Variants in ZNF534 observed in about 807,000 individuals in gnomAD.
ZNF534 encodes the protein KRAB domain only 3.
Under a neutral mutation model 13.6 loss-of-function variants are expected in ZNF534, and 19 were observed. The ratio of observed to expected loss-of-function variants is 1.40; its 90% CI spans 0.97 to 2.05. ZNF534 has a LOEUF of 2.05. ZNF534 is among the 30% of genes most tolerant of loss of function. The pLI is 0.00. For missense variants in ZNF534, 782 were observed against 796.3 expected (o/e 0.98, Z 0.22); for synonymous variants, 244 against 273.8 (o/e 0.89, Z 1.07).
exon 5 of ZNF534, chr19:52,451,733 T>C: frequency 1.5e-6 from 1 of 686,630 alleles, no homozygotes; most frequent in South Asian, 1.7e-5. Flanking sequence ...TTTGTTGATG[T>C]AGGAGCTGGT....
chr19:52,448,506 G>A (rs2059201914), intron 4 of ZNF534, among the ~76,000 whole-genome samples: 1 of 152,178 alleles, frequency 6.6e-6, no homozygotes, highest in Admixed American at 6.5e-5. Flanking sequence ...TGAGGATACA[G>A]TGAGCTATGA....
At position 52,441,250 on chromosome 19, in the gene ZNF534, C is replaced by T. The variant is rs2059171101; in HGVS notation, c.*1804C>T. On this transcript the variant is annotated 3_prime_UTR_variant, in exon 5 of 5. Transcript: ENST00000433050. The stretch of plus-strand genomic sequence containing the variant: ...GGAATGTACTCCAGGCATGGTGGCT[C>T]ACACCTATAATCCCAGCCCTTTGGG... Among the ~76,000 whole-genome samples the T allele has an allele frequency of 6.6e-6, 1 of 152,140 alleles. No individual in the cohort carries two copies. The highest frequency in any genetic ancestry group is 1.5e-5 in the Non-Finnish European group (1 of 68,032).
At position 52,438,147 on chromosome 19, in the gene ZNF534, T is replaced by G. The variant is rs762494061; in HGVS notation, c.687T>G (p.Phe229Leu). 51 of 1,613,962 alleles carry G rather than the reference T, an allele frequency of 3.2e-5. No homozygotes were observed. Among genetic ancestry groups the G allele is most frequent in the Non-Finnish European group, 4.3e-5 (51 of 1,179,978 alleles). ...CGEIFSSNSN[F>L]AQHQRIHTGE... ...AGATCTTTAGTAGCAATTCAAACTT[T>G]GCACAACATCAACGAATCCATACTG... The change falls in exon 5 of 5, where the codon TTT becomes TTG. Residue 229 changes from phenylalanine (F) to leucine (L), a missense_variant. By Grantham distance (22) the Phe-to-Leu change is conservative. Transcript: ENST00000433050.
chr19:52,444,523 G>C (rs934726401), downstream of ZNF534, among the ~76,000 whole-genome samples: 2 of 152,136 alleles, frequency 1.3e-5, no homozygotes, highest in African/African-American at 4.8e-5. Flanking sequence ...AGCTGTGGTA[G>C]TATGGGGAGG....
rs973810644 is a variant in ZNF534 at position 52,429,218 on chromosome 19, G to T, written c.-94G>T. ...TCCTGTAGACCCGGCACCCGACTGC[G>T]CGGAAAGACTGTCTAAGCCGCCACT... On this transcript the variant is annotated 5_prime_UTR_variant, in exon 1 of 5. Coordinates refer to ENST00000433050, the MANE Select transcript of ZNF534 (RefSeq NM_001143938.3). 2.0e-5 allele frequency: 3 copies of T among 147,666 alleles called. No individual in the cohort carries two copies. Among genetic ancestry groups the T allele is most frequent in the African/African-American group, 7.9e-5 (3 of 37,918 alleles). 9.1% of individuals were successfully genotyped at this position (147,666 alleles called of 1,614,324 possible). A position where few individuals can be genotyped will look rare whatever the true frequency, so the allele number is the denominator to read the frequency against.
chr19:52,443,083 T>A (rs1332751110), downstream of ZNF534, among the ~76,000 whole-genome samples: 1 of 152,190 alleles, frequency 6.6e-6, no homozygotes, highest in Non-Finnish European at 1.5e-5. Context: ...GGTCACCTCC[T>A]CAATTGAATA....
At chr19:52,431,624 C>A (rs977010148) in intron 2 of ZNF534, 135 bp downstream of exon 2, 1 of 1,156,972 alleles carries the variant, frequency 8.6e-7, no homozygotes, top group South Asian at 1.4e-5. Flanking sequence ...TTCTTCCAGT[C>A]CCTTTCACTT....
intron 4 of ZNF534, among the ~76,000 whole-genome samples, chr19:52,448,327 G>A (rs980342670): frequency 2.0e-5 from 3 of 152,062 alleles, no homozygotes; most frequent in African/African-American, 7.2e-5. Context: ...GAACCTAGGA[G>A]TTGGAGGTTG....
intron 4 of ZNF534, among the ~76,000 whole-genome samples, chr19:52,450,349 G>C (rs569548356): frequency 5.7e-4 from 87 of 152,202 alleles, no homozygotes; most frequent in African/African-American, 1.9e-3. Context: ...TTTTGTGTAT[G>C]GTGAGAAATA....
rs1280147240 is a variant in ZNF534 at position 52,439,341 on chromosome 19, T to C, written c.1881T>C (p.Ile627=). ...CACGCCTTGCACAACATAGGAATAT[T>C]CATACTGGAGTGAAGCCTTACAGTT... ...RNSRLAQHRN[I]HTGVKPYSCN... The change falls in exon 5 of 5, where the codon ATT becomes ATC. Residue 627 remains isoleucine, a synonymous_variant. Transcript: ENST00000433050. 4 of 1,553,260 alleles carry C rather than the reference T, an allele frequency of 2.6e-6. No individual in the cohort carries two copies. The African/African-American group carries it at 5.5e-5, about 21-fold the overall frequency.
chr19:52,433,256 A>G (rs1379830653), intron 2 of ZNF534, among the ~76,000 whole-genome samples: 1 of 151,554 alleles, frequency 6.6e-6, no homozygotes, highest in South Asian at 2.1e-4. Flanking sequence ...AAAAAAAAAA[A>G]AAAAGAAAGA....
In ZNF534 at chr19:52,437,539, G is replaced by A. The variant is rs572569026; in HGVS notation, c.272-193G>A. On this transcript the variant is annotated intron_variant, in intron 4 of 4. Coordinates refer to ENST00000433050, the MANE Select transcript of ZNF534 (RefSeq NM_001143938.3). ...AGGGAGAATTGCTTAAACCCAGGAG[G>A]CAGAGGTAGTAGTGAACTGCAATCA... Among the ~76,000 whole-genome samples the A allele has an allele frequency of 1.4e-4, 21 of 152,236 alleles. 1 individual carries two copies. Among genetic ancestry groups the A allele is most frequent in the Admixed American group, 1.2e-3 (19 of 15,276 alleles).
Position 52,439,376 on chromosome 19 carries a change from G to A in ZNF534, c.1916G>A (p.Cys639Tyr). 5.2e-6 allele frequency: 8 copies of A among 1,551,972 alleles called. No homozygotes were observed. Among genetic ancestry groups the A allele is most frequent in the Non-Finnish European group, 7.0e-6 (8 of 1,146,994 alleles). Residue 639 changes from cysteine (C) to tyrosine (Y), a missense_variant, in exon 5 of 5, where the codon TGT (cysteine) becomes TAT (tyrosine). Transcript: ENST00000433050. Reference protein sequence around the residue: ...TGVKPYSCNECGKVFSKNSIL... With the variant: ...TGVKPYSCNEYGKVFSKNSIL... ...GTGAAGCCTTACAGTTGTAATGAAT[G>A]TGGCAAGGTCTTTAGTAAAAATTCC...
Position 52,431,885 on chromosome 19 carries a change from G to A in ZNF534, c.15+396G>A, listed in dbSNP as rs558929488. ...TTTTTTTTTTTTGAGACAGAGTCTC[G>A]CACTGTTGCCCAGGCTGGAGTGTGG... On this transcript the variant is annotated intron_variant, in intron 2 of 4. Transcript: ENST00000433050. Among the ~76,000 whole-genome samples, 148 of 149,786 alleles carry A rather than the reference G, an allele frequency of 9.9e-4. 1 individual carries two copies. Among genetic ancestry groups the A allele is most frequent in the African/African-American group, 3.5e-3 (143 of 40,716 alleles).
chr19:52,437,798 T>C lies in ZNF534; in HGVS notation c.338T>C (p.Leu113Pro). 1.2e-6 allele frequency: 2 copies of C among 1,611,684 alleles called. No individual in the cohort carries two copies. Among genetic ancestry groups the C allele is most frequent in the Non-Finnish European group, 1.7e-6 (2 of 1,178,570 alleles). The change falls in exon 5 of 5, where the codon CTT (leucine) becomes CCT (proline). Residue 113 changes from leucine to proline, a missense_variant. Coordinates refer to ENST00000433050, the MANE Select transcript of ZNF534 (RefSeq NM_001143938.3). ...CTTAAAAATCAACATGGATTAACTCTTCAGTTACATCTGACTGAATGGCAG... is the reference window on the plus strand; with the variant it reads ...CTTAAAAATCAACATGGATTAACTCCTCAGTTACATCTGACTGAATGGCAG... ...KSLKNQHGLTLQLHLTEWQPF... is the reference protein window; with the variant it reads ...KSLKNQHGLTPQLHLTEWQPF...
At chr19:52,450,690 TGTTTTTG>T (rs1568450529) in intron 4 of ZNF534, among the ~76,000 whole-genome samples, 595 of 31,382 alleles carry the variant, frequency 0.019, 107 homozygotes, top group East Asian at 0.033. Context: ...TTTTTGTTTT[TGTTTTTG>T]TTTTTTTTTT....
chr19:52,451,404 G>C, exon 5 of ZNF534: 1 of 759,880 alleles, frequency 1.3e-6, no homozygotes, highest in Non-Finnish European at 2.3e-6. Context: ...GGACTCTCAG[G>C]GCCGGGCCCG....
In ZNF534 at chr19:52,431,353, A is replaced by G; in HGVS notation, c.-67-55A>G. On this transcript the variant is annotated intron_variant, in intron 1 of 4. Transcript: ENST00000433050. Reference sequence around the variant, plus strand: ...TCTTCCCTTTTTGTGTGGCTGTGGCACAGGAAGTGGGTGTGTTGATTCTAA... The same window carrying G: ...TCTTCCCTTTTTGTGTGGCTGTGGCGCAGGAAGTGGGTGTGTTGATTCTAA... The G allele has an allele frequency of 3.0e-6, 4 of 1,327,470 alleles. No homozygotes were observed. In the Admixed American group the frequency reaches 7.8e-5, roughly 26 times the overall value. The allele number at this position is 1,327,470 out of a possible 1,614,324, so 82.2% of individuals were successfully genotyped here. A position where few individuals can be genotyped will look rare whatever the true frequency, so the allele number is the denominator to read the frequency against.
At chr19:52,446,992 ATC>A (rs1425605365), downstream of ZNF534, among the ~76,000 whole-genome samples, 3 of 152,192 alleles carry the variant, frequency 2.0e-5, no homozygotes, top group Non-Finnish European at 4.4e-5. Context: ...CAGAGACTGC[ATC>A]TCTCCTTGCC....
Sources: gnomAD v4.1 joint callset for allele counts (sites outside exome capture counted in the v4.1 genomes callset) on GRCh38, gnomAD v4.1.1 for gene constraint, MANE v1.5 for transcripts, NCBI Gene and HGNC (gene_info 2026-07-23, HGNC 2026-07-21) for gene names.